BANK1: variants seen among roughly 807,000 people sequenced by gnomAD.
BANK1 encodes B cell scaffold protein with ankyrin repeats 1.
In BANK1, 95 loss-of-function variants were observed where a neutral mutation model predicts 94.5. The ratio of observed to expected loss-of-function variants is 1.00; its 90% CI spans 0.85 to 1.19. The LOEUF (loss-of-function observed/expected upper bound fraction) is 1.19. BANK1 is among the 50% of genes most tolerant of loss of function. The pLI is 0.00. For synonymous variants in BANK1, 334 were observed against 308.4 expected, an observed-to-expected ratio of 1.08 and a Z score of -0.87; for missense variants, 987 against 932.2, an observed-to-expected ratio of 1.06 and a Z score of -0.77.
At chr4:102,066,218 T>G (rs1206891169) in intron 13 of BANK1, among the ~76,000 whole-genome samples, 2 of 151,636 alleles carry the variant, frequency 1.3e-5, no homozygotes, top group African/African-American at 4.8e-5. Context: ...CAATAATTTA[T>G]TATCAGAAAC....
intron 7 of BANK1, among the ~76,000 whole-genome samples, chr4:102,012,800 G>A (rs1032725333): frequency 4.0e-5 from 6 of 151,474 alleles, no homozygotes; most frequent in South Asian, 2.1e-4. Flanking sequence ...TCTTTGACCC[G>A]TAATCAAATT....
At chr4:101,962,568 A>G (rs1006584098) in intron 7 of BANK1, among the ~76,000 whole-genome samples, 3 of 152,118 alleles carry the variant, frequency 2.0e-5, no homozygotes, top group African/African-American at 7.2e-5. Context: ...ATCATCTTCA[A>G]GCCAACTGCT....
At chr4:101,864,182 G>A (rs114791346) in intron 4 of BANK1, among the ~76,000 whole-genome samples, 139 of 152,190 alleles carry the variant, frequency 9.1e-4, no homozygotes, top group African/African-American at 3.3e-3. Context: ...TTCAACTGTT[G>A]TATTCTTTAA....
chr4:101,894,402 C>T (rs541055664), intron 5 of BANK1, among the ~76,000 whole-genome samples: 3 of 152,056 alleles, frequency 2.0e-5, no homozygotes, highest in African/African-American at 7.2e-5. Flanking sequence ...CCAGGGAGAC[C>T]TAAACCACTT....
chr4:101,965,737 G>A (rs897709367), intron 7 of BANK1, among the ~76,000 whole-genome samples: 3 of 152,012 alleles, frequency 2.0e-5, no homozygotes, highest in Admixed American at 6.6e-5. Flanking sequence ...ATTCACTGAG[G>A]TAGGCCTAGA....
At chr4:101,897,981 T>TA (rs200727422) in intron 6 of BANK1, among the ~76,000 whole-genome samples, 4 of 150,908 alleles carry the variant, frequency 2.7e-5, no homozygotes, top group Non-Finnish European at 5.9e-5. Flanking sequence ...ATTATAAAAT[T>TA]AAAAAAAAAC....
chr4:101,912,689 G>T (rs886876773), intron 6 of BANK1, among the ~76,000 whole-genome samples: 5 of 150,022 alleles, frequency 3.3e-5, no homozygotes, highest in African/African-American at 1.2e-4. Context: ...TGCAGGGCAG[G>T]TTGGCACTTA....
At chr4:101,848,728 CA>C (rs1488698950) in intron 2 of BANK1, among the ~76,000 whole-genome samples, 1 of 152,014 alleles carries the variant, frequency 6.6e-6, no homozygotes, top group Admixed American at 6.5e-5. Flanking sequence ...CAAAACAGAA[CA>C]AAACAATTCT....
At chr4:101,976,829 A>T (rs1725149887) in intron 7 of BANK1, 1 of 152,150 alleles carries the variant, frequency 6.6e-6, no homozygotes, top group African/African-American at 2.4e-5. Flanking sequence ...CTTGTAAAAG[A>T]TTTAAAAGTA....
At chr4:101,922,243 G>A (rs1335019399) in intron 7 of BANK1, among the ~76,000 whole-genome samples, 1 of 151,764 alleles carries the variant, frequency 6.6e-6, no homozygotes, top group Admixed American at 6.6e-5. Context: ...GTTAGGTTTT[G>A]TGTTTAGGCT....
Position 102,035,313 on chromosome 4 carries a change from A to G in BANK1, c.1900+5048A>G, listed in dbSNP as rs562249001. Among the ~76,000 whole-genome samples the G allele has an allele frequency of 2.0e-5, 3 of 152,284 alleles. No individual in the cohort carries two copies. The East Asian group carries it at 5.8e-4, about 29-fold the overall frequency. ...CATGAAGCTCTATTTCACCATCATC[A>G]TCATCCCCTTACCCCAGAGACATAA... is the stretch of plus-strand genomic sequence containing the variant. On this transcript the variant is annotated intron_variant, in intron 10 of 16. Coordinates refer to ENST00000322953, the MANE Select transcript of BANK1 (RefSeq NM_017935.5).
chr4:101,989,215 C>A (rs901783992), intron 7 of BANK1, among the ~76,000 whole-genome samples: 1 of 151,782 alleles, frequency 6.6e-6, no homozygotes, highest in Non-Finnish European at 1.5e-5. Context: ...GAGGCCGAGG[C>A]GGGCGGATGA....
intron 13 of BANK1, among the ~76,000 whole-genome samples, chr4:102,069,320 A>T (rs1394151229): frequency 6.6e-6 from 1 of 152,232 alleles, no homozygotes; most frequent in Admixed American, 6.5e-5. Flanking sequence ...CAAGGAGCAC[A>T]TCTAGTACCC....
chr4:101,933,004 C>T (rs1403256327), intron 7 of BANK1, among the ~76,000 whole-genome samples: 1 of 151,356 alleles, frequency 6.6e-6, no homozygotes, highest in East Asian at 2.0e-4. Flanking sequence ...TTTGGCAATA[C>T]CATATTATCA....
At chr4:101,877,811 G>T (rs1224193765) in intron 5 of BANK1, among the ~76,000 whole-genome samples, 2 of 152,068 alleles carry the variant, frequency 1.3e-5, no homozygotes, top group Admixed American at 1.3e-4. Context: ...CTTGAACCCA[G>T]GAGGCAGAGG....
chr4:102,041,943 T>A (rs914227504), intron 10 of BANK1, among the ~76,000 whole-genome samples: 1 of 151,954 alleles, frequency 6.6e-6, no homozygotes, highest in Non-Finnish European at 1.5e-5. Flanking sequence ...GCTGGAAAAA[T>A]AATTTCATTT....
intron 1 of BANK1, among the ~76,000 whole-genome samples, chr4:101,796,076 A>G (rs2148848285): frequency 6.6e-6 from 1 of 152,344 alleles, no homozygotes; most frequent in Admixed American, 6.5e-5. Context: ...AGATGAGATT[A>G]TTGTCAGTGG....
intron 1 of BANK1, among the ~76,000 whole-genome samples, chr4:101,791,234 A>T (rs1035528759): frequency 7.1e-6 from 1 of 140,142 alleles, no homozygotes; most frequent in African/African-American, 2.5e-5. Flanking sequence ...AACTTTCCCC[A>T]GCACCCGGGT....
intron 6 of BANK1, among the ~76,000 whole-genome samples, chr4:101,905,026 C>G (rs562162385): frequency 6.6e-6 from 1 of 152,168 alleles, no homozygotes; most frequent in Non-Finnish European, 1.5e-5. Context: ...CTTCCAAATC[C>G]TCCTGTTCGT....
Sources: gnomAD v4.1 joint callset for allele counts (sites outside exome capture counted in the v4.1 genomes callset) on GRCh38, gnomAD v4.1.1 for gene constraint, MANE v1.5 for transcripts, NCBI Gene and HGNC (gene_info 2026-07-23, HGNC 2026-07-21) for gene names.